The following ERAP1 variants were observed in gnomAD, a reference collection of about 807,000 sequenced individuals.
The protein encoded by ERAP1 is endoplasmic reticulum aminopeptidase 1, also known as adipocyte-derived leucine aminopeptidase.
Under a neutral mutation model 103.7 loss-of-function variants are expected in ERAP1, and 86 were observed. The ratio of observed to expected loss-of-function variants is 0.83; its 90% CI spans 0.70 to 0.99. The LOEUF is 0.99. Ranked by LOEUF, ERAP1 falls within the 50% of genes least tolerant of loss-of-function variation. The pLI, the probability that ERAP1 is intolerant of heterozygous loss-of-function variation, is 0.00. For missense variants in ERAP1, 1,009 were observed against 1,128.4 expected (o/e 0.89, Z 1.52); for synonymous variants, 398 against 402.4 (o/e 0.99, Z 0.13).
At chr5:96,815,407 G>GTTTTTTGT in the ERAP1 span, among the ~76,000 whole-genome samples, 5 of 105,458 alleles carry the variant, frequency 4.7e-5, no homozygotes, top group Admixed American at 9.1e-5. Flanking sequence ...TGTTTGTTTT[G>GTTTTTTGT]TTTTTTATTT....
the ERAP1 span, chr5:96,901,689 C>G: frequency 6.2e-7 from 1 of 1,612,600 alleles, no homozygotes; most frequent in South Asian, 1.1e-5. Context: ...GAGGTGGCTG[C>G]TTTTCTTCTT....
At chr5:96,802,514 G>A (rs1178100678) in intron 2 of ERAP1, among the ~76,000 whole-genome samples, 1 of 151,952 alleles carries the variant, frequency 6.6e-6, no homozygotes. Flanking sequence ...AAAATAATAT[G>A]GAATTTGAAA....
chr5:96,934,234 C>T, the ERAP1 span: 2 of 152,152 alleles, frequency 1.3e-5, no homozygotes, highest in African/African-American at 4.8e-5. Flanking sequence ...TTGTTTCAGA[C>T]AGTGATGAGT....
chr5:96,828,609 G>C, the ERAP1 span, among the ~76,000 whole-genome samples: 1 of 152,090 alleles, frequency 6.6e-6, no homozygotes, highest in African/African-American at 2.4e-5. Flanking sequence ...AAAATTACCA[G>C]GGTAAAAAGA....
At chr5:96,887,100 T>TATACAC in the ERAP1 span, among the ~76,000 whole-genome samples, 3 of 137,456 alleles carry the variant, frequency 2.2e-5, no homozygotes, top group Non-Finnish European at 4.7e-5. Flanking sequence ...TATATATATA[T>TATACAC]ACACACACAC....
the ERAP1 span, among the ~76,000 whole-genome samples, chr5:96,929,032 A>G: frequency 6.6e-6 from 1 of 152,196 alleles, no homozygotes; most frequent in Non-Finnish European, 1.5e-5. Flanking sequence ...ATCGCTCCCT[A>G]GTGCTGGCAG....
intron 4 of ERAP1, 129 bp from the exon 5 acceptor site, chr5:96,795,291 G>T: frequency 8.0e-7 from 1 of 1,250,072 alleles, no homozygotes; most frequent in Non-Finnish European, 1.1e-6. Context: ...AAATAATTGG[G>T]AATTCCATTT....
the ERAP1 span, among the ~76,000 whole-genome samples, chr5:96,862,185 T>C: frequency 6.6e-6 from 1 of 152,118 alleles, no homozygotes. Context: ...AGAGATGGGA[T>C]CTTCCTATGT....
Position 96,781,723 on chromosome 5 carries a change from C to T in ERAP1, c.2417G>A (p.Cys806Tyr). 1 of 1,614,170 alleles carries T rather than the reference C, an allele frequency of 6.2e-7. No individual in the cohort carries two copies. The highest frequency in any genetic ancestry group is 1.1e-5 in the South Asian group (1 of 91,088). The change falls in exon 16 of 19, where the codon TGC becomes TAC. Residue 806 changes from cysteine to tyrosine, a missense_variant. Transcript: ENST00000443439. The stretch of plus-strand genomic sequence containing the variant: ...AAGCTTTTCCTTATTTTGGGTTCTG[C>T]AGAGGGCAAATTCAATTTGGCTTTT... ...TEKSQIEFAL[C>Y]RTQNKEKLQW...
chr5:96,886,047 G>A, the ERAP1 span, among the ~76,000 whole-genome samples: 16 of 152,218 alleles, frequency 1.1e-4, no homozygotes, highest in Non-Finnish European at 1.9e-4. Context: ...GAGAGAATGA[G>A]CATCATCTTT....
chr5:96,783,120 T>C lies in ERAP1; in HGVS notation c.2216A>G (p.Asn739Ser). The C allele has an allele frequency of 6.2e-7, 1 of 1,614,176 alleles. No individual in the cohort carries two copies. The highest frequency in any genetic ancestry group is 8.5e-7 in the Non-Finnish European group (1 of 1,180,038). Residue 739 changes from asparagine to serine, a missense_variant, in exon 15 of 19, where the codon AAC becomes AGC. Physicochemically the swap from Asn to Ser is conservative, Grantham distance 46 (BLOSUM62 1). This residue lies in a region of ERAP1 where 611 missense variants were observed against 651.7 expected (regional missense o/e 0.94). Coordinates refer to ENST00000443439, the MANE Select transcript of ERAP1 (RefSeq NM_001040458.3). ...TGCCCTCTGTACGCACGGCTGATAG[T>C]TGTGCACACAGGCGAGGAGTAGTAG... Reference protein sequence around the residue: ...SQLLLLACVHNYQPCVQRAEG... With the variant: ...SQLLLLACVHSYQPCVQRAEG...
chr5:96,844,956 G>A, the ERAP1 span, among the ~76,000 whole-genome samples: 1 of 152,136 alleles, frequency 6.6e-6, no homozygotes, highest in Non-Finnish European at 1.5e-5. Flanking sequence ...CAAATTGGGT[G>A]AGAAAAATTA....
At chr5:96,789,401 C>T (rs752687724) in intron 10 of ERAP1, among the ~76,000 whole-genome samples, 1 of 151,832 alleles carries the variant, frequency 6.6e-6, no homozygotes, top group East Asian at 1.9e-4. Context: ...GCAAGAGAAT[C>T]GCTGGAACCG....
the ERAP1 span, among the ~76,000 whole-genome samples, chr5:96,920,430 A>T: frequency 5.4e-4 from 83 of 152,330 alleles, no homozygotes; most frequent in African/African-American, 2.0e-3. Flanking sequence ...GATGAGCAGA[A>T]CTGGCCAGAA....
the ERAP1 span, among the ~76,000 whole-genome samples, chr5:96,829,598 A>T: frequency 6.6e-6 from 1 of 152,220 alleles, no homozygotes; most frequent in South Asian, 2.1e-4. Context: ...CTAACATAAC[A>T]ATCAGCTCAA....
At chr5:96,874,550 C>T in the ERAP1 span, among the ~76,000 whole-genome samples, 2 of 152,222 alleles carry the variant, frequency 1.3e-5, no homozygotes, top group African/African-American at 4.8e-5. Context: ...TTCTTTTTCC[C>T]ACTCACTGGC....
At chr5:96,913,253 C>G in the ERAP1 span, 3 of 1,313,294 alleles carry the variant, frequency 2.3e-6, no homozygotes, top group South Asian at 4.0e-5. Context: ...ATATTGGTGG[C>G]TTGAGTTAAT....
the ERAP1 span, among the ~76,000 whole-genome samples, chr5:96,913,674 A>C: frequency 0.54 from 82,416 of 152,082 alleles, 22,414 homozygotes; most frequent in Admixed American, 0.59. Context: ...GCCTTCTCTC[A>C]TTCAGTCCAG....
At chr5:96,824,331 G>T in the ERAP1 span, among the ~76,000 whole-genome samples, 1 of 152,110 alleles carries the variant, frequency 6.6e-6, no homozygotes, top group African/African-American at 2.4e-5. Flanking sequence ...TCTTGCCTCT[G>T]CTACAGTTCT....
Sources: gnomAD v4.1 joint callset for allele counts (sites outside exome capture counted in the v4.1 genomes callset) on GRCh38, gnomAD v4.1.1 for gene constraint, gnomAD v4.1.1 regional missense constraint, MANE v1.5 for transcripts, NCBI Gene and HGNC (gene_info 2026-07-23, HGNC 2026-07-21) for gene names.